Variants in NRG3 observed in about 807,000 individuals in gnomAD.
NRG3 encodes pro-neuregulin-3, membrane-bound isoform.
In NRG3, 31 loss-of-function variants were observed where a neutral mutation model predicts 66.9. That is an observed-to-expected ratio of 0.46 (90% CI 0.35 to 0.63). The LOEUF (loss-of-function observed/expected upper bound fraction) is 0.63. Among genes scored for constraint, NRG3 ranks in the 20% least tolerant of loss-of-function variants. NRG3 has a pLI of 0.00. For synonymous variants in NRG3, 393 were observed against 359.4 expected (o/e 1.09, Z -1.06); for missense variants, 910 against 878.9 (o/e 1.04, Z -0.45).
At chr10:82,629,819 C>A (rs994064487) in intron 2 of NRG3, among the ~76,000 whole-genome samples, 7 of 152,100 alleles carry the variant, frequency 4.6e-5, no homozygotes, top group African/African-American at 1.2e-4. Flanking sequence ...ACTGAAGGAA[C>A]CTTCAGATAG....
intron 2 of NRG3, among the ~76,000 whole-genome samples, chr10:82,657,255 T>C (rs1022728637): frequency 6.6e-6 from 1 of 152,156 alleles, no homozygotes; most frequent in African/African-American, 2.4e-5. Flanking sequence ...CTGTTCTGTC[T>C]AGGTCAGCTC....
chr10:82,369,563 G>C (rs2135721886), intron 2 of NRG3, among the ~76,000 whole-genome samples: 1 of 138,488 alleles, frequency 7.2e-6, no homozygotes, highest in Non-Finnish European at 1.5e-5. Context: ...GCTTCCCAAA[G>C]TGCTGGGATT....
intron 1 of NRG3, among the ~76,000 whole-genome samples, chr10:82,177,812 A>G (rs535733155): frequency 6.6e-6 from 1 of 152,318 alleles, no homozygotes; most frequent in African/African-American, 2.4e-5. Context: ...TAAAAGAAAG[A>G]TTAATTCAGT....
rs1406874625 is a variant in NRG3, at chr10:82,190,370, T to C, written c.824-168369T>C. The stretch of plus-strand genomic sequence containing the variant: ...TTTTAACAAATAAAGTTATGGCTTT[T>C]GTTTTAAATTGAAATAGATAATTTA... On this transcript the variant is annotated intron_variant, in intron 1 of 8. Coordinates refer to ENST00000372141, the MANE Select transcript of NRG3 (RefSeq NM_001010848.4). 3.3e-5 allele frequency among the ~76,000 whole-genome samples: 5 copies of C among 152,234 alleles called. No homozygotes were observed. The East Asian group carries it at 7.7e-4, about 23-fold the overall frequency.
chr10:82,760,797 A>AT (rs1028384646), intron 3 of NRG3, among the ~76,000 whole-genome samples: 6 of 152,022 alleles, frequency 3.9e-5, no homozygotes, highest in East Asian at 1.9e-4. Flanking sequence ...ATTTTAACAG[A>AT]TTTTTTAATA....
chr10:82,648,436 T>C (rs61865473), intron 2 of NRG3, among the ~76,000 whole-genome samples: 7 of 152,118 alleles, frequency 4.6e-5, no homozygotes, highest in East Asian at 1.9e-4. Context: ...AGTCAGGTAG[T>C]GTGATGCCCT....
At chr10:82,756,347 A>G (rs1418463357) in intron 3 of NRG3, among the ~76,000 whole-genome samples, 1 of 152,112 alleles carries the variant, frequency 6.6e-6, no homozygotes, top group Non-Finnish European at 1.5e-5. Flanking sequence ...CTTTATTCCA[A>G]CAGCTTCCAA....
At chr10:82,702,523 A>G (rs1397979770) in intron 2 of NRG3, among the ~76,000 whole-genome samples, 1 of 152,214 alleles carries the variant, frequency 6.6e-6, no homozygotes, top group Non-Finnish European at 1.5e-5. Flanking sequence ...AACTTACACT[A>G]CTATGTAACT....
intron 1 of NRG3, among the ~76,000 whole-genome samples, chr10:82,130,871 C>A (rs920459156): frequency 2.6e-5 from 4 of 152,034 alleles, no homozygotes; most frequent in African/African-American, 9.7e-5. Flanking sequence ...ATTTTTTGCC[C>A]ATTTTAAAAT....
At chr10:82,251,983 T>C (rs903205213) in intron 1 of NRG3, among the ~76,000 whole-genome samples, 1 of 152,096 alleles carries the variant, frequency 6.6e-6, no homozygotes, top group Non-Finnish European at 1.5e-5. Flanking sequence ...CAGGGGCTTA[T>C]GGCTTTTCTT....
At chr10:82,743,795 G>A (rs1423688460) in intron 3 of NRG3, among the ~76,000 whole-genome samples, 2 of 152,194 alleles carry the variant, frequency 1.3e-5, no homozygotes, top group Admixed American at 6.5e-5. Context: ...GACACAAGGA[G>A]ATTTTCCTGA....
At chr10:82,389,129 A>G (rs1180686634) in intron 2 of NRG3, among the ~76,000 whole-genome samples, 2 of 152,228 alleles carry the variant, frequency 1.3e-5, no homozygotes, top group Non-Finnish European at 2.9e-5. Context: ...CAAAATGAGC[A>G]TCAGAACCTT....
intron 2 of NRG3, among the ~76,000 whole-genome samples, chr10:82,478,008 C>G (rs750566176): frequency 6.6e-6 from 1 of 152,158 alleles, no homozygotes; most frequent in Non-Finnish European, 1.5e-5. Flanking sequence ...AATCCCCAAT[C>G]AAATCCCCTC....
intron 2 of NRG3, among the ~76,000 whole-genome samples, chr10:82,470,192 CTATT>C (rs1323663428): frequency 6.6e-6 from 1 of 152,176 alleles, no homozygotes; most frequent in East Asian, 1.9e-4. Context: ...AAACAGATCT[CTATT>C]TATTGGGATT....
intron 4 of NRG3, among the ~76,000 whole-genome samples, chr10:82,929,875 CAA>C (rs560959914): frequency 6.7e-4 from 53 of 79,416 alleles, no homozygotes; most frequent in African/African-American, 1.1e-3. Context: ...GACTCCATCT[CAA>C]AAAAAAAAAA....
chr10:82,184,231 A>G (rs74144196), intron 1 of NRG3, among the ~76,000 whole-genome samples: 6,386 of 152,238 alleles, frequency 0.042, 215 homozygotes, highest in African/African-American at 0.1. Flanking sequence ...TATAAAATCA[A>G]TGTCTGATAA....
chr10:82,079,285 GC>G (rs1307886353), intron 1 of NRG3, among the ~76,000 whole-genome samples: 1 of 151,864 alleles, frequency 6.6e-6, no homozygotes, highest in Non-Finnish European at 1.5e-5. Flanking sequence ...TGATCCACCC[GC>G]CTCAGCCTCC....
chr10:81,940,516 T>C (rs1848316178), intron 1 of NRG3, among the ~76,000 whole-genome samples: 1 of 151,886 alleles, frequency 6.6e-6, no homozygotes, highest in African/African-American at 2.4e-5. Context: ...CAGCTGATGG[T>C]TTATTTTTAT....
At position 82,699,280 on chromosome 10, in the gene NRG3, C is replaced by G. The variant is rs28654575; in HGVS notation, c.954-39297C>G. ...GGAAGGAAGGAAGGAAGGAAGGAAGCAAGGGAGGCAGGGAGGGAGGGAGAC... is the reference window on the plus strand; with the variant it reads ...GGAAGGAAGGAAGGAAGGAAGGAAGGAAGGGAGGCAGGGAGGGAGGGAGAC... On this transcript the variant is annotated intron_variant, in intron 2 of 8. Coordinates refer to ENST00000372141, the MANE Select transcript of NRG3 (RefSeq NM_001010848.4). Among the ~76,000 whole-genome samples, 5 of 125,746 alleles carry G rather than the reference C, an allele frequency of 4.0e-5. 1 individual carries two copies. The East Asian group carries it at 6.7e-4, about 17-fold the overall frequency. The allele number at this position is 125,746 out of a possible 152,430, so 82.5% of individuals were successfully genotyped here.
Sources: allele counts gnomAD v4.1 joint callset (sites outside exome capture counted in the v4.1 genomes callset), GRCh38; gene constraint gnomAD v4.1.1; transcripts MANE v1.5; gene names NCBI Gene and HGNC (gene_info 2026-07-23, HGNC 2026-07-21).